MEIS1: variants seen among roughly 807,000 people sequenced by gnomAD.
MEIS1 encodes homeobox protein Meis1.
In MEIS1, 5 loss-of-function variants were observed where a neutral mutation model predicts 50.8. The observed-to-expected ratio is 0.10, with a 90% CI of 0.05 to 0.21. The LOEUF is 0.21. Among genes scored for constraint, MEIS1 ranks in the 10% least tolerant of loss-of-function variants. The pLI is 1.00. For synonymous variants in MEIS1, 176 were observed against 179.3 expected (o/e 0.98, Z 0.15); for missense variants, 318 against 517.3 (o/e 0.61, Z 3.74).
chr2:66,440,061 G>GAACACA (rs1467861843), intron 3 of MEIS1, 77 bp downstream of exon 3: 3 of 1,202,444 alleles, frequency 2.5e-6, no homozygotes, highest in South Asian at 1.5e-5. Flanking sequence ...GCGCGCGCGC[G>GAACACA]CGCGCGAACA....
chr2:66,549,791 G>T (rs1572897059), intron 9 of MEIS1, among the ~76,000 whole-genome samples: 1 of 152,076 alleles, frequency 6.6e-6, no homozygotes, highest in African/African-American at 2.4e-5. Flanking sequence ...TTCCTCTGCA[G>T]GGTTGCTAGC....
intron 7 of MEIS1, among the ~76,000 whole-genome samples, chr2:66,478,506 T>C (rs928842840): frequency 2.0e-5 from 3 of 152,236 alleles, no homozygotes; most frequent in African/African-American, 7.2e-5. Flanking sequence ...CATGGAGCCA[T>C]GTGCTGCCCA....
intron 7 of MEIS1, among the ~76,000 whole-genome samples, chr2:66,464,753 T>C (rs1333857176): frequency 6.6e-6 from 1 of 152,194 alleles, no homozygotes. Context: ...CTAAATAAAA[T>C]TTAGGAAGAC....
intron 9 of MEIS1, among the ~76,000 whole-genome samples, chr2:66,567,017 G>C (rs1465578890): frequency 6.6e-6 from 1 of 152,082 alleles, no homozygotes; most frequent in Non-Finnish European, 1.5e-5. Flanking sequence ...GGGTGGTTTT[G>C]ATAAAAATTG....
chr2:66,538,446 A>G (rs9789535), intron 8 of MEIS1, among the ~76,000 whole-genome samples: 67,645 of 152,026 alleles, frequency 0.44, 16,749 homozygotes, highest in Middle Eastern at 0.58. Flanking sequence ...AATCTGGACT[A>G]GGCACTCTAC....
At chr2:66,550,578 A>G (rs907207088) in intron 9 of MEIS1, among the ~76,000 whole-genome samples, 1 of 151,936 alleles carries the variant, frequency 6.6e-6, no homozygotes, top group Non-Finnish European at 1.5e-5. Flanking sequence ...GCTCACTGCA[A>G]CCTCCAACTC....
intron 6 of MEIS1, among the ~76,000 whole-genome samples, chr2:66,457,782 A>G (rs1006709170): frequency 6.6e-6 from 1 of 152,208 alleles, no homozygotes; most frequent in Non-Finnish European, 1.5e-5. Flanking sequence ...ATACATACGG[A>G]CATGGGCAAG....
chr2:66,438,839 AAAT>A (rs1485936886), intron 2 of MEIS1, among the ~76,000 whole-genome samples: 1 of 151,880 alleles, frequency 6.6e-6, no homozygotes, highest in Non-Finnish European at 1.5e-5. Flanking sequence ...CTGGAAAAAA[AAAT>A]ATATATAATC....
At chr2:66,444,460 T>A (rs1341142153) in intron 6 of MEIS1, among the ~76,000 whole-genome samples, 1 of 152,240 alleles carries the variant, frequency 6.6e-6, no homozygotes, top group African/African-American at 2.4e-5. Flanking sequence ...CGACATGGGC[T>A]GAATTCCTCT....
chr2:66,567,871 G>A (rs1675388967), intron 10 of MEIS1: 3 of 497,656 alleles, frequency 6.0e-6, no homozygotes, highest in Non-Finnish European at 1.1e-5. Context: ...TGGAATTGCT[G>A]TAAACTTTAT....
intron 8 of MEIS1, among the ~76,000 whole-genome samples, chr2:66,546,220 A>G (rs1203523056): frequency 6.6e-6 from 1 of 152,170 alleles, no homozygotes; most frequent in Non-Finnish European, 1.5e-5. Context: ...GGTAAAGCTG[A>G]ACATTTGAGC....
intron 7 of MEIS1, among the ~76,000 whole-genome samples, chr2:66,473,778 A>G (rs73937924): frequency 0.096 from 14,609 of 152,032 alleles, 1,366 homozygotes; most frequent in African/African-American, 0.24. Flanking sequence ...TCTAAACTTA[A>G]GTGTCAGAAG....
intron 6 of MEIS1, among the ~76,000 whole-genome samples, chr2:66,458,079 T>G (rs533600628): frequency 2.6e-5 from 4 of 152,276 alleles, no homozygotes; most frequent in African/African-American, 7.2e-5. Flanking sequence ...AACTGACACC[T>G]TCACAGTAAA....
chr2:66,471,350 G>T (rs1176273946), intron 7 of MEIS1, among the ~76,000 whole-genome samples: 1 of 152,136 alleles, frequency 6.6e-6, no homozygotes, highest in African/African-American at 2.4e-5. Context: ...GATATTTATT[G>T]TGTGACCTGT....
chr2:66,512,251 T>C lies in MEIS1; in HGVS notation c.845T>C (p.Val282Ala). 1 of 1,612,896 alleles carries C rather than the reference T, an allele frequency of 6.2e-7. No individual in the cohort carries two copies. Among genetic ancestry groups the C allele is most frequent in the Non-Finnish European group, 8.5e-7 (1 of 1,179,592 alleles). Residue 282 changes from valine (V) to alanine (A), a missense_variant, in exon 8 of 13, where the codon GTA becomes GCA. Physicochemically the swap from Val to Ala is moderately conservative, Grantham distance 64 (BLOSUM62 0). Around this residue, in one of 6 missense-constraint regions of MEIS1, gnomAD observed 40 missense variants for 102.8 expected, o/e 0.39. Coordinates refer to ENST00000272369, the MANE Select transcript of MEIS1 (RefSeq NM_002398.3). ...AAAAAGCGTGGCATCTTTCCCAAAGTAGCCACAAATATCATGAGGGCGTGG... is the reference window on the plus strand; with the variant it reads ...AAAAAGCGTGGCATCTTTCCCAAAGCAGCCACAAATATCATGAGGGCGTGG... Reference protein sequence around the residue: ...RHKKRGIFPKVATNIMRAWLF... With the variant: ...RHKKRGIFPKAATNIMRAWLF...
Position 66,571,330 on chromosome 2 carries a change from A to C in MEIS1, c.*122A>C. ...GGACAGCCAAGTTATACCCAACCCCAGATGCCCCCCCATCCTGCTCAGCTG... is the reference window on the plus strand; with the variant it reads ...GGACAGCCAAGTTATACCCAACCCCCGATGCCCCCCCATCCTGCTCAGCTG... On this transcript the variant is annotated 3_prime_UTR_variant, in exon 13 of 13. Transcript: ENST00000272369. 1 of 1,598,586 alleles carries C rather than the reference A, an allele frequency of 6.3e-7. No individual in the cohort carries two copies. The highest frequency in any genetic ancestry group is 8.5e-7 in the Non-Finnish European group (1 of 1,172,602).
intron 7 of MEIS1, among the ~76,000 whole-genome samples, chr2:66,481,844 A>G (rs893041597): frequency 3.6e-5 from 5 of 137,188 alleles, no homozygotes; most frequent in Admixed American, 2.9e-4. Flanking sequence ...TTTAGGTCTG[A>G]TATTTCTTTT....
chr2:66,500,317 A>C (rs1007029304), intron 7 of MEIS1, among the ~76,000 whole-genome samples: 2 of 152,194 alleles, frequency 1.3e-5, no homozygotes, highest in African/African-American at 4.8e-5. Flanking sequence ...TCTTGAGTGC[A>C]GTGTAGGCAT....
At chr2:66,440,068 A>AACACACCC in intron 3 of MEIS1, 84 bp downstream of exon 3, 2 of 777,642 alleles carry the variant, frequency 2.6e-6, no homozygotes, top group Non-Finnish European at 4.0e-6. Context: ...CGCGCGCGCG[A>AACACACCC]ACACACACAC....
Sources: allele counts gnomAD v4.1 joint callset (sites outside exome capture counted in the v4.1 genomes callset), GRCh38; gene constraint gnomAD v4.1.1; regional missense constraint gnomAD v4.1.1; transcripts MANE v1.5; gene names NCBI Gene and HGNC (gene_info 2026-07-23, HGNC 2026-07-21).